Variants in HCN1 observed in about 807,000 individuals in gnomAD.
HCN1 encodes the protein potassium/sodium hyperpolarization-activated cyclic nucleotide-gated channel 1.
A neutral mutation model predicts 78.9 loss-of-function variants in HCN1; 13 were observed. That is an observed-to-expected ratio of 0.16 (90% CI 0.11 to 0.26). The LOEUF (loss-of-function observed/expected upper bound fraction) is 0.26. Ranked by LOEUF, HCN1 falls within the 10% of genes least tolerant of loss-of-function variation. HCN1 has a pLI of 1.00. For synonymous variants in HCN1, 552 were observed against 455.5 expected, an observed-to-expected ratio of 1.21 and a Z score of -2.70; for missense variants, 810 against 1,154.3, an observed-to-expected ratio of 0.70 and a Z score of 4.32.
At chr5:45,275,869 C>A (rs532820832) in intron 6 of HCN1, among the ~76,000 whole-genome samples, 10 of 152,222 alleles carry the variant, frequency 6.6e-5, no homozygotes, top group African/African-American at 2.4e-4. Context: ...ATTCACCAGA[C>A]CATTCCAAAT....
chr5:45,547,043 T>A (rs1743245761), intron 2 of HCN1, among the ~76,000 whole-genome samples: 1 of 152,070 alleles, frequency 6.6e-6, no homozygotes, highest in East Asian at 1.9e-4. Context: ...ATTCTCTACA[T>A]TAGTACAATT....
chr5:45,547,566 A>T (rs1328827871), intron 2 of HCN1, among the ~76,000 whole-genome samples: 3 of 151,896 alleles, frequency 2.0e-5, no homozygotes, highest in African/African-American at 7.2e-5. Flanking sequence ...CATATGAGTT[A>T]TTCCTTATCT....
Position 45,524,292 on chromosome 5 carries a change from C to T in HCN1, c.850-62285G>A, listed in dbSNP as rs372726792. Among the ~76,000 whole-genome samples, 68 of 152,166 alleles carry T rather than the reference C, an allele frequency of 4.5e-4. 1 individual carries two copies. The East Asian group carries it at 7.7e-3, about 17-fold the overall frequency. On this transcript the variant is annotated intron_variant, in intron 2 of 7. Transcript: ENST00000303230. Reference sequence around the variant, plus strand: ...TGTAGTATAGTTTGAAGTCAGGTAGCGTGATGCCTCCCGCTTTGTTCTTTT... The same window carrying T: ...TGTAGTATAGTTTGAAGTCAGGTAGTGTGATGCCTCCCGCTTTGTTCTTTT...
chr5:45,681,383 T>C (rs1299594006), intron 1 of HCN1, among the ~76,000 whole-genome samples: 1 of 152,156 alleles, frequency 6.6e-6, no homozygotes, highest in African/African-American at 2.4e-5. Flanking sequence ...ATCTTAGTTT[T>C]GCATCTTTTC....
At chr5:45,397,175 A>G (rs919578414) in intron 3 of HCN1, among the ~76,000 whole-genome samples, 5 of 152,166 alleles carry the variant, frequency 3.3e-5, no homozygotes, top group African/African-American at 1.2e-4. Context: ...ATATAGCTGT[A>G]TAGTCCTTAC....
chr5:45,318,529 T>G (rs1746050291), intron 5 of HCN1, among the ~76,000 whole-genome samples: 1 of 152,006 alleles, frequency 6.6e-6, no homozygotes, highest in East Asian at 1.9e-4. Context: ...AACCTGCACG[T>G]TGTGCACATG....
At chr5:45,313,459 C>T (rs778235543) in intron 5 of HCN1, among the ~76,000 whole-genome samples, 1 of 152,172 alleles carries the variant, frequency 6.6e-6, no homozygotes, top group African/African-American at 2.4e-5. Flanking sequence ...AATCAGAGCA[C>T]CTCTCCTCCT....
chr5:45,625,391 G>A (rs1341738321), intron 2 of HCN1, among the ~76,000 whole-genome samples: 1 of 152,056 alleles, frequency 6.6e-6, no homozygotes, highest in Admixed American at 6.6e-5. Flanking sequence ...ATTTCCTAGA[G>A]TATTTGCAAA....
chr5:45,349,287 G>A (rs528732885), intron 5 of HCN1, among the ~76,000 whole-genome samples: 278 of 152,232 alleles, frequency 1.8e-3, no homozygotes, highest in African/African-American at 6.3e-3. Context: ...GGTACATAAC[G>A]AAATGAAGGC....
chr5:45,627,424 T>G (rs1745191352), intron 2 of HCN1, among the ~76,000 whole-genome samples: 1 of 152,186 alleles, frequency 6.6e-6, no homozygotes, highest in African/African-American at 2.4e-5. Context: ...TGATTTGCAT[T>G]ATACTGAGCC....
chr5:45,426,836 C>T (rs1438462634), intron 3 of HCN1, among the ~76,000 whole-genome samples: 1 of 151,960 alleles, frequency 6.6e-6, no homozygotes, highest in Non-Finnish European at 1.5e-5. Context: ...CAATTGCCTG[C>T]TAAACTAAAG....
intron 2 of HCN1, among the ~76,000 whole-genome samples, chr5:45,482,934 G>T (rs1741685452): frequency 6.6e-6 from 1 of 152,152 alleles, no homozygotes; most frequent in Non-Finnish European, 1.5e-5. Context: ...CAAAACATAT[G>T]ATTTCATTTC....
chr5:45,430,875 C>T (rs1740449420), intron 3 of HCN1, among the ~76,000 whole-genome samples: 1 of 152,046 alleles, frequency 6.6e-6, no homozygotes, highest in African/African-American at 2.4e-5. Flanking sequence ...GATTCCATGT[C>T]TTTGCTATTG....
chr5:45,581,046 T>C (rs563434275), intron 2 of HCN1, among the ~76,000 whole-genome samples: 7 of 152,360 alleles, frequency 4.6e-5, no homozygotes, highest in Admixed American at 4.6e-4. Context: ...CCTTTGGGTA[T>C]CTACCCAGTA....
At chr5:45,513,746 C>T (rs1293413701) in intron 2 of HCN1, among the ~76,000 whole-genome samples, 1 of 152,140 alleles carries the variant, frequency 6.6e-6, no homozygotes, top group Non-Finnish European at 1.5e-5. Flanking sequence ...CATTGCCCCA[C>T]CCCTGACTGT....
At chr5:45,695,208 G>C (rs1163998618) in intron 1 of HCN1, 2 of 184,628 alleles carry the variant, frequency 1.1e-5, no homozygotes, top group African/African-American at 4.8e-5. Context: ...TCGGGCTTGT[G>C]AATCGCTGTC....
chr5:45,550,220 C>T (rs1743336453), intron 2 of HCN1, among the ~76,000 whole-genome samples: 1 of 152,146 alleles, frequency 6.6e-6, no homozygotes, highest in African/African-American at 2.4e-5. Context: ...CGGCACTATT[C>T]ACAATAGCAA....
chr5:45,498,852 T>G (rs1742119117), intron 2 of HCN1, among the ~76,000 whole-genome samples: 1 of 152,078 alleles, frequency 6.6e-6, no homozygotes, highest in Non-Finnish European at 1.5e-5. Flanking sequence ...GTGTGAGGTG[T>G]CAGTCTGCCC....
At chr5:45,341,654 G>A (rs1746584937) in intron 5 of HCN1, among the ~76,000 whole-genome samples, 2 of 152,156 alleles carry the variant, frequency 1.3e-5, no homozygotes, top group South Asian at 4.1e-4. Context: ...TTACTCAGGA[G>A]GTTGAACTGG....
Sources: allele counts gnomAD v4.1 joint callset (sites outside exome capture counted in the v4.1 genomes callset), GRCh38; gene constraint gnomAD v4.1.1; transcripts MANE v1.5; gene names NCBI Gene and HGNC (gene_info 2026-07-23, HGNC 2026-07-21).